USP42: variants seen among roughly 807,000 people sequenced by gnomAD.
The protein encoded by USP42 is ubiquitin carboxyl-terminal hydrolase 42.
A neutral mutation model predicts 113.0 loss-of-function variants in USP42; 23 were observed. The ratio of observed to expected loss-of-function variants is 0.20; its 90% CI spans 0.15 to 0.29. USP42 has a LOEUF of 0.29. Among genes scored for constraint, USP42 ranks in the 10% least tolerant of loss-of-function variants. The probability of loss-of-function intolerance (pLI) is 1.00; values close to 1 mark genes in which losing one functional copy is unlikely to be tolerated. For synonymous variants in USP42, 933 were observed against 699.0 expected, an observed-to-expected ratio of 1.33 and a Z score of -5.28; for missense variants, 2,174 against 1,779.8, an observed-to-expected ratio of 1.22 and a Z score of -3.99.
chr7:6,095,320 C>A, the USP42 span, among the ~76,000 whole-genome samples: 1 of 151,050 alleles, frequency 6.6e-6, no homozygotes, highest in Non-Finnish European at 1.5e-5. Flanking sequence ...TAAGCAAAAG[C>A]CTGGAAATAT....
upstream of USP42, among the ~76,000 whole-genome samples, chr7:6,104,276 G>A (rs1411825870): frequency 2.0e-5 from 3 of 151,240 alleles, no homozygotes; most frequent in Non-Finnish European, 4.4e-5. Flanking sequence ...TAGAGACAGG[G>A]TTTCACCATG....
chr7:6,124,037 G>T (rs111376813), intron 3 of USP42, among the ~76,000 whole-genome samples: 5 of 151,786 alleles, frequency 3.3e-5, no homozygotes, highest in African/African-American at 7.3e-5. Context: ...CGCCGTGCCC[G>T]GCTAACTTTT....
chr7:6,142,769 A>G (rs1781504562), intron 7 of USP42, among the ~76,000 whole-genome samples, 163 bp from the exon 8 acceptor site: 1 of 152,136 alleles, frequency 6.6e-6, no homozygotes, highest in South Asian at 2.1e-4. Context: ...CCTGTGGTTT[A>G]GCTGCTCGGG....
intron 15 of USP42, 103 bp from the exon 16 acceptor site, chr7:6,156,651 A>C (rs1782460111): frequency 6.3e-6 from 9 of 1,437,788 alleles, no homozygotes; most frequent in Non-Finnish European, 8.2e-6. Context: ...GCGTGTCTGC[A>C]CAGTGAATGT....
Position 6,147,831 on chromosome 7 carries a change from T to A in USP42, c.1325T>A (p.Val442Asp). 6.2e-7 allele frequency: 1 copy of A among 1,613,638 alleles called. No individual in the cohort carries two copies. The highest frequency in any genetic ancestry group is 8.5e-7 in the Non-Finnish European group (1 of 1,179,712). ...SPRPVISQRV[V>D]TNKQAAPGFI... Reference sequence around the variant, plus strand: ...CGCCCCGTCATCAGTCAGCGGGTTGTCACCAACAAACAGGCTGCGCCAGGC... The same window carrying A: ...CGCCCCGTCATCAGTCAGCGGGTTGACACCAACAAACAGGCTGCGCCAGGC... The change falls in exon 12 of 18, where the codon GTC (valine) becomes GAC (aspartate). Residue 442 changes from valine (V) to aspartate (D), a missense_variant. Transcript: ENST00000306177.
chr7:6,104,497 G>C (rs1000597699), upstream of USP42, among the ~76,000 whole-genome samples: 11 of 152,268 alleles, frequency 7.2e-5, no homozygotes, highest in African/African-American at 1.9e-4. Context: ...AGCCAAGTCC[G>C]TTTTCGGGGG....
chr7:6,147,704 T>C, intron 11 of USP42, 35 bp from the exon 12 acceptor site: 1 of 1,540,230 alleles, frequency 6.5e-7, no homozygotes, highest in Non-Finnish European at 8.8e-7. Context: ...GGAGGTGTCC[T>C]GTGTCACCCT....
intron 4 of USP42, among the ~76,000 whole-genome samples, chr7:6,136,759 AAAAAT>A (rs1205444576): frequency 6.6e-6 from 1 of 152,156 alleles, no homozygotes; most frequent in East Asian, 1.9e-4. Context: ...AAGCAGCAGT[AAAAAT>A]AAAATAAGAA....
chr7:6,148,560 T>C (rs781411597), intron 12 of USP42, among the ~76,000 whole-genome samples: 1 of 152,210 alleles, frequency 6.6e-6, no homozygotes, highest in Non-Finnish European at 1.5e-5. Context: ...TTTAGTCGTT[T>C]CAGGGGTGTG....
intron 15 of USP42, 50 bp from the exon 16 acceptor site, chr7:6,156,704 C>A (rs1562861421): frequency 6.7e-7 from 1 of 1,488,366 alleles, no homozygotes; most frequent in South Asian, 1.4e-5. Context: ...GGGTCTGCTG[C>A]TGGTGGTTTT....
chr7:6,092,946 G>C, the USP42 span: 4 of 150,874 alleles, frequency 2.7e-5, no homozygotes, highest in Non-Finnish European at 5.9e-5. Context: ...TTTCATGAGA[G>C]TCTGAAGTAA....
intron 7 of USP42, among the ~76,000 whole-genome samples, chr7:6,141,623 A>G (rs943832011): frequency 5.3e-5 from 8 of 151,772 alleles, no homozygotes; most frequent in Non-Finnish European, 8.8e-5. Context: ...CAGTGGCGCA[A>G]TATCAGCTCA....
chr7:6,139,938 C>G lies in USP42; in HGVS notation c.657-190C>G. Reference sequence around the variant, plus strand: ...CAGCTCTGCGTCTCCTCCCGCCACTCCCAGACCTCCCTGTGTTCTGGCCAG... The same window carrying G: ...CAGCTCTGCGTCTCCTCCCGCCACTGCCAGACCTCCCTGTGTTCTGGCCAG... On this transcript the variant is annotated intron_variant, in intron 5 of 17. Coordinates refer to ENST00000306177, the MANE Select transcript of USP42 (RefSeq NM_032172.3). The surrounding 1 kb of genome is among the most constrained non-coding windows in gnomAD (Gnocchi z 4.5). 1 of 626,868 alleles carries G rather than the reference C, an allele frequency of 1.6e-6. No individual in the cohort carries two copies. The highest frequency in any genetic ancestry group is 2.9e-6 in the Non-Finnish European group (1 of 349,298). 38.8% of individuals were successfully genotyped at this position (626,868 alleles called of 1,614,324 possible).
intron 12 of USP42, among the ~76,000 whole-genome samples, chr7:6,149,205 G>A (rs1031058868): frequency 3.3e-5 from 5 of 152,118 alleles, no homozygotes; most frequent in East Asian, 1.9e-4. Context: ...GCTCCGAGGC[G>A]AGGGTGATTC....
At position 6,150,059 on chromosome 7, in the gene USP42, G is replaced by T. The variant is rs974373905; in HGVS notation, c.1863G>T (p.Gly621=). 8.1e-6 allele frequency: 13 copies of T among 1,609,312 alleles called. No individual in the cohort carries two copies. In the African/African-American group the frequency reaches 1.2e-4, roughly 15 times the overall value. The change falls in exon 13 of 18, where the codon GGG becomes GGT. Residue 621 remains glycine, a synonymous_variant. Transcript: ENST00000306177. ...SSEDSDEESK[G]LGKENGIGTI... is the part of the protein sequence containing the mutation. ...AGGACTCTGACGAGGAGTCAAAGGG[G>T]CTGGGCAAGGAGAATGGGATTGGTA...
chr7:6,147,148 G>GA (rs146529748), intron 11 of USP42, among the ~76,000 whole-genome samples: 3,600 of 152,342 alleles, frequency 0.024, 138 homozygotes, highest in African/African-American at 0.08. Flanking sequence ...CAGTTGGGCT[G>GA]AAGCACAGAT....
intron 10 of USP42, 134 bp downstream of exon 10, chr7:6,145,790 C>T: frequency 1.9e-6 from 2 of 1,077,788 alleles, no homozygotes; most frequent in East Asian, 2.6e-5. Flanking sequence ...TTTCTCTTGG[C>T]CGGGCGCAGT....
intron 10 of USP42, 106 bp downstream of exon 10, chr7:6,145,762 A>C: frequency 7.9e-7 from 1 of 1,263,072 alleles, no homozygotes; most frequent in Non-Finnish European, 1.1e-6. Context: ...TAAAATGTGA[A>C]TACCCGAGGT....
chr7:6,087,142 C>A, the USP42 span, among the ~76,000 whole-genome samples: 2 of 150,058 alleles, frequency 1.3e-5, no homozygotes, highest in African/African-American at 2.5e-5. Context: ...AGCGATTCTC[C>A]TGCCTCAGCC....
Sources: allele counts gnomAD v4.1 joint callset (sites outside exome capture counted in the v4.1 genomes callset), GRCh38; gene constraint gnomAD v4.1.1; non-coding constraint Gnocchi (gnomAD v3.1); transcripts MANE v1.5; gene names NCBI Gene and HGNC (gene_info 2026-07-23, HGNC 2026-07-21).